The following HACE1 variants were observed in gnomAD, a reference collection of about 807,000 sequenced individuals.
The protein encoded by HACE1 is E3 ubiquitin-protein ligase HACE1.
Under a neutral mutation model 118.4 loss-of-function variants are expected in HACE1, and 73 were observed. The ratio of observed to expected loss-of-function variants is 0.62; its 90% CI spans 0.51 to 0.75. HACE1 has a LOEUF of 0.75. Among genes scored for constraint, HACE1 ranks in the 30% least tolerant of loss-of-function variants. HACE1 has a pLI of 0.00. For missense variants in HACE1, 749 were observed against 1,102.2 expected (o/e 0.68, Z 4.54); for synonymous variants, 368 against 374.8 (o/e 0.98, Z 0.21).
intron 22 of HACE1, among the ~76,000 whole-genome samples, chr6:104,735,588 G>T (rs764080768): frequency 6.6e-6 from 1 of 151,618 alleles, no homozygotes; most frequent in Non-Finnish European, 1.5e-5. Context: ...CCGAGATGGC[G>T]CCAGTGCACT....
At chr6:104,823,925 G>C (rs1773049824) in intron 6 of HACE1, among the ~76,000 whole-genome samples, 1 of 152,166 alleles carries the variant, frequency 6.6e-6, no homozygotes, top group African/African-American at 2.4e-5. Flanking sequence ...AAACTCTCCA[G>C]TCATTTCTCT....
chr6:104,819,793 T>A (rs1345292729), intron 6 of HACE1, among the ~76,000 whole-genome samples: 2 of 152,152 alleles, frequency 1.3e-5, no homozygotes, highest in Non-Finnish European at 2.9e-5. Context: ...GGGGAAAGGA[T>A]TCCCTATTCA....
At chr6:104,788,137 A>G (rs1782637084) in intron 11 of HACE1, among the ~76,000 whole-genome samples, 1 of 152,150 alleles carries the variant, frequency 6.6e-6, no homozygotes, top group Non-Finnish European at 1.5e-5. Context: ...TAAATTTTAA[A>G]ATTAAAAATA....
chr6:104,843,167 A>G, intron 5 of HACE1, 56 bp downstream of exon 5: 1 of 925,016 alleles, frequency 1.1e-6, no homozygotes, highest in Non-Finnish European at 1.8e-6. Context: ...TGTCACATTC[A>G]ATATCATTTT....
chr6:104,799,068 G>A (rs1288892943), intron 7 of HACE1, among the ~76,000 whole-genome samples: 1 of 152,164 alleles, frequency 6.6e-6, no homozygotes, highest in Non-Finnish European at 1.5e-5. Flanking sequence ...AGACAACGCT[G>A]CACTCTAGAA....
intron 14 of HACE1, among the ~76,000 whole-genome samples, chr6:104,780,112 T>A (rs935989579): frequency 6.6e-5 from 10 of 152,174 alleles, no homozygotes; most frequent in African/African-American, 2.4e-4. Flanking sequence ...AATGTTAAAA[T>A]TATTGTCAAT....
rs114178936 is a variant in HACE1 at position 104,847,627 on chromosome 6, C to T, written c.326+1515G>A. 6.6e-4 allele frequency among the ~76,000 whole-genome samples: 100 copies of T among 152,142 alleles called. 1 individual carries two copies. Among genetic ancestry groups the T allele is most frequent in the African/African-American group, 1.8e-3 (75 of 41,522 alleles). ...TTTTTGCTCTGTTTTAATCTTTATA[C>T]GCAAAAATTTGGCCTCGGATTGATG... is the stretch of plus-strand genomic sequence containing the variant. On this transcript the variant is annotated intron_variant, in intron 4 of 23. Transcript: ENST00000262903.
rs200716492 is a variant in HACE1, at chr6:104,794,812, G to A, written c.923+767C>T. Among the ~76,000 whole-genome samples, 4 of 152,238 alleles carry A rather than the reference G, an allele frequency of 2.6e-5. No homozygotes were observed. The East Asian group carries it at 7.7e-4, about 29-fold the overall frequency. On this transcript the variant is annotated intron_variant, in intron 10 of 23. Coordinates refer to ENST00000262903, the MANE Select transcript of HACE1 (RefSeq NM_020771.4). ...CCCAGCTACTTGGGAGGCTGAGGCA[G>A]GAGAATTGCTTGAACCTGGGAGGTG...
chr6:104,785,006 C>A lies in HACE1; in HGVS notation c.1388G>T (p.Cys463Phe). The A allele has an allele frequency of 6.2e-7, 1 of 1,613,126 alleles. No homozygotes were observed. The highest frequency in any genetic ancestry group is 2.2e-5 in the East Asian group (1 of 44,872). Reference protein sequence around the residue: ...SAVIQAFYMCCSCQMPPGMTS... With the variant: ...SAVIQAFYMCFSCQMPPGMTS... ...TTACCCCGGAGGCATCTGACAAGAA[C>A]AGCACATGTAAAAAGCTTGAATGAC... is the stretch of plus-strand genomic sequence containing the variant. The change falls in exon 12 of 24, where the codon TGT (cysteine) becomes TTT (phenylalanine). Residue 463 changes from cysteine to phenylalanine, a missense_variant. Around this residue, in one of 5 missense-constraint regions of HACE1, gnomAD observed 195 missense variants for 322.1 expected, o/e 0.61. Coordinates refer to ENST00000262903, the MANE Select transcript of HACE1 (RefSeq NM_020771.4).
At chr6:104,785,401 ATAT>A (rs1487670226) in intron 11 of HACE1, 82 bp from the exon 12 acceptor site, 2 of 803,328 alleles carry the variant, frequency 2.5e-6, no homozygotes, top group East Asian at 2.6e-5. Context: ...AACTAGACAA[ATAT>A]TATAGAAGAG....
intron 6 of HACE1, among the ~76,000 whole-genome samples, chr6:104,826,932 G>A (rs141974722): frequency 3.3e-5 from 5 of 152,174 alleles, no homozygotes; most frequent in East Asian, 1.9e-4. Context: ...AAACTATTGC[G>A]GAGGAACCGC....
intron 6 of HACE1, among the ~76,000 whole-genome samples, chr6:104,818,532 C>T (rs923925833): frequency 6.6e-6 from 1 of 152,032 alleles, no homozygotes; most frequent in Non-Finnish European, 1.5e-5. Context: ...CTAACTCATT[C>T]TATAAAGCCA....
intron 19 of HACE1, among the ~76,000 whole-genome samples, chr6:104,756,571 T>A (rs1222460526): frequency 6.6e-6 from 1 of 150,872 alleles, no homozygotes; most frequent in Admixed American, 6.6e-5. Context: ...GATCGAAGAG[T>A]CGTTTCCAAG....
intron 6 of HACE1, among the ~76,000 whole-genome samples, chr6:104,811,992 T>C (rs182340039): frequency 2.6e-5 from 4 of 152,264 alleles, no homozygotes; most frequent in Admixed American, 2.6e-4. Flanking sequence ...GCCATTAATA[T>C]ATACTTAGCC....
intron 1 of HACE1, among the ~76,000 whole-genome samples, chr6:104,853,026 T>C (rs950041752): frequency 1.3e-5 from 2 of 152,226 alleles, no homozygotes; most frequent in Non-Finnish European, 2.9e-5. Context: ...AGTTCATGTG[T>C]TGGAAATTTG....
chr6:104,781,636 T>G (rs1781754881), intron 14 of HACE1, among the ~76,000 whole-genome samples: 1 of 152,054 alleles, frequency 6.6e-6, no homozygotes, highest in African/African-American at 2.4e-5. Context: ...GCAACCCCAC[T>G]CCCTTGGTAT....
intron 3 of HACE1, among the ~76,000 whole-genome samples, chr6:104,849,651 A>ATTTTT (rs10640271): frequency 4.8e-5 from 7 of 145,968 alleles, no homozygotes; most frequent in African/African-American, 2.5e-5. Context: ...CCTTAAACAC[A>ATTTTT]TTTTTTTTTT....
chr6:104,850,123 T>A (rs180993957), intron 3 of HACE1, among the ~76,000 whole-genome samples: 12 of 152,186 alleles, frequency 7.9e-5, no homozygotes, highest in Admixed American at 7.2e-4. Flanking sequence ...CTGATTTTTG[T>A]ATTTTTAGTA....
At chr6:104,792,649 G>A (rs1783145865) in intron 10 of HACE1, among the ~76,000 whole-genome samples, 1 of 152,084 alleles carries the variant, frequency 6.6e-6, no homozygotes, top group African/African-American at 2.4e-5. Flanking sequence ...GATCAACTCA[G>A]TATACCACTG....
Sources: gnomAD v4.1 joint callset for allele counts (sites outside exome capture counted in the v4.1 genomes callset) on GRCh38, gnomAD v4.1.1 for gene constraint, gnomAD v4.1.1 regional missense constraint, MANE v1.5 for transcripts, NCBI Gene and HGNC (gene_info 2026-07-23, HGNC 2026-07-21) for gene names.